Variants in ACSM1 observed in about 807,000 individuals in gnomAD.
ACSM1 encodes the protein acyl-CoA synthetase medium chain family member 1, also known as acyl-coenzyme A synthetase ACSM1, mitochondrial.
A neutral mutation model predicts 75.8 loss-of-function variants in ACSM1; 79 were observed. The ratio of observed to expected loss-of-function variants is 1.04; its 90% confidence interval spans 0.87 to 1.26. The LOEUF is 1.26. Among genes scored for constraint, ACSM1 ranks in the 50% most tolerant of loss-of-function variants. The probability of loss-of-function intolerance (pLI) is 0.00; values close to 1 mark genes in which losing one functional copy is unlikely to be tolerated. For missense variants in ACSM1, 676 were observed against 720.1 expected, an observed-to-expected ratio of 0.94 and a Z score of 0.70; for synonymous variants, 279 against 265.8, an observed-to-expected ratio of 1.05 and a Z score of -0.48.
At position 20,628,547 on chromosome 16, in the gene ACSM1, A is replaced by G. The variant is rs895317054; in HGVS notation, c.1300-1231T>C. Among the ~76,000 whole-genome samples the G allele has an allele frequency of 2.0e-5, 3 of 149,574 alleles. No homozygotes were observed. The East Asian group carries it at 5.8e-4, about 29-fold the overall frequency. Reference sequence around the variant, plus strand: ...ATCATACAGCATATAACTGTTTGGGACTGTTTTTTTTTTTCTCAGCATAAT... The same window carrying G: ...ATCATACAGCATATAACTGTTTGGGGCTGTTTTTTTTTTTCTCAGCATAAT... On this transcript the variant is annotated intron_variant, in intron 10 of 13. Transcript: ENST00000520010.
At chr16:20,661,754 T>A (rs750011994) in intron 7 of ACSM1, 40 bp downstream of exon 7, 12 of 1,449,780 alleles carry the variant, frequency 8.3e-6, no homozygotes, top group African/African-American at 4.2e-5. Context: ...TTCCTTAAAA[T>A]CTTACCCAAA....
Position 20,623,553 on chromosome 16 carries a change from A to C in ACSM1, c.1667T>G (p.Leu556Arg), listed in dbSNP as rs766194614. The C allele has an allele frequency of 6.2e-7, 1 of 1,614,088 alleles. No homozygotes were observed. The highest frequency in any genetic ancestry group is 2.2e-5 in the East Asian group (1 of 44,874). ...YPRKVEFVSELPKTITGKIER... is the reference protein window; with the variant it reads ...YPRKVEFVSERPKTITGKIER... ...AATCTTGCCAGTGATGGTTTTTGGC[A>C]GCTCTGAGACAAACTCCACCTGGTT... Residue 556 changes from leucine (L) to arginine (R), a missense_variant, in exon 14 of 14, where the codon CTG becomes CGG. Transcript: ENST00000520010.
chr16:20,640,711 T>C, intron 7 of ACSM1, 127 bp from the exon 8 acceptor site: 1 of 1,471,480 alleles, frequency 6.8e-7, no homozygotes, highest in Non-Finnish European at 9.1e-7. Context: ...TTTTTGGTCA[T>C]TTTACAGTTG....
chr16:20,673,156 G>T (rs1190640659), intron 4 of ACSM1, among the ~76,000 whole-genome samples: 1 of 149,964 alleles, frequency 6.7e-6, no homozygotes, highest in African/African-American at 2.4e-5. Flanking sequence ...ATGTACCTCT[G>T]CCCTAGCATG....
chr16:20,692,979 G>A (rs2079668745), intron 1 of ACSM1, among the ~76,000 whole-genome samples: 2 of 151,922 alleles, frequency 1.3e-5, no homozygotes, highest in South Asian at 4.2e-4. Context: ...GACCATCCTG[G>A]CTAACATGAT....
In ACSM1 at chr16:20,623,421, G is replaced by A; in HGVS notation, c.*65C>T. 6.9e-7 allele frequency: 1 copy of A among 1,439,628 alleles called. No individual in the cohort carries two copies. The highest frequency in any genetic ancestry group is 9.8e-7 in the Non-Finnish European group (1 of 1,023,082). 89.2% of individuals were successfully genotyped at this position (1,439,628 alleles called of 1,614,324 possible). ...ATGCCCCACCCTCGTCCTCACCATAGTGGGGAGACTAAAGTGGCCAGGGAT... is the reference window on the plus strand; with the variant it reads ...ATGCCCCACCCTCGTCCTCACCATAATGGGGAGACTAAAGTGGCCAGGGAT... On this transcript the variant is annotated 3_prime_UTR_variant, in exon 14 of 14. Coordinates refer to ENST00000520010, the MANE Select transcript of ACSM1 (RefSeq NM_001318890.3).
intron 4 of ACSM1, among the ~76,000 whole-genome samples, chr16:20,675,813 A>G (rs1324754613): frequency 6.6e-6 from 1 of 152,208 alleles, no homozygotes; most frequent in Non-Finnish European, 1.5e-5. Flanking sequence ...CCTGCCTAGC[A>G]GTTTATTGTA....
chr16:20,669,398 T>A (rs1455801401), intron 6 of ACSM1, among the ~76,000 whole-genome samples: 1 of 151,676 alleles, frequency 6.6e-6, no homozygotes, highest in African/African-American at 2.4e-5. Flanking sequence ...ATCTGTCATA[T>A]TCCAAGGGCT....
chr16:20,637,132 C>A, intron 9 of ACSM1: 1 of 760,550 alleles, frequency 1.3e-6, no homozygotes, highest in South Asian at 1.4e-5. Flanking sequence ...AGTGCAGCCT[C>A]TAGGTATTCT....
At chr16:20,647,343 G>A (rs1398174312) in intron 7 of ACSM1, among the ~76,000 whole-genome samples, 1 of 152,192 alleles carries the variant, frequency 6.6e-6, no homozygotes, top group Non-Finnish European at 1.5e-5. Context: ...AGACCGACTA[G>A]AGTCATGCAT....
intron 1 of ACSM1, among the ~76,000 whole-genome samples, chr16:20,696,931 C>T (rs1441361318): frequency 2.0e-5 from 3 of 152,168 alleles, no homozygotes; most frequent in Admixed American, 6.5e-5. Context: ...TGAACTTAAG[C>T]GCACAGTAGT....
chr16:20,673,338 G>T (rs1460414947), intron 4 of ACSM1, among the ~76,000 whole-genome samples: 2 of 152,012 alleles, frequency 1.3e-5, no homozygotes, highest in Non-Finnish European at 2.9e-5. Flanking sequence ...AGGTCTGCTG[G>T]TCTTGCTGTG....
At chr16:20,696,911 T>C (rs2079692686) in intron 1 of ACSM1, among the ~76,000 whole-genome samples, 1 of 152,184 alleles carries the variant, frequency 6.6e-6, no homozygotes, top group South Asian at 2.1e-4. Context: ...TTTGGTGCTG[T>C]TCATGTCTCT....
chr16:20,637,193 T>G, intron 9 of ACSM1, 178 bp downstream of exon 9: 1 of 772,738 alleles, frequency 1.3e-6, no homozygotes, highest in Non-Finnish European at 2.4e-6. Flanking sequence ...GCGGTGTTCA[T>G]GCTCACAATA....
At chr16:20,634,184 G>A (rs145228750) in intron 10 of ACSM1, among the ~76,000 whole-genome samples, 395 of 152,300 alleles carry the variant, frequency 2.6e-3, no homozygotes, top group African/African-American at 9.2e-3. Context: ...GCAAAATAAT[G>A]AAGTTACCTT....
chr16:20,654,469 C>T (rs2018833146), intron 7 of ACSM1, among the ~76,000 whole-genome samples: 1 of 152,172 alleles, frequency 6.6e-6, no homozygotes, highest in African/African-American at 2.4e-5. Context: ...AGTTAACCTA[C>T]AGAATGGGAG....
chr16:20,645,378 C>A (rs1001637768), intron 7 of ACSM1, among the ~76,000 whole-genome samples: 1 of 152,130 alleles, frequency 6.6e-6, no homozygotes, highest in Non-Finnish European at 1.5e-5. Flanking sequence ...AACGTTCCCC[C>A]CAAGGCAAAA....
intron 10 of ACSM1, among the ~76,000 whole-genome samples, chr16:20,633,340 A>T (rs1254868600): frequency 6.6e-6 from 1 of 152,212 alleles, no homozygotes; most frequent in Non-Finnish European, 1.5e-5. Context: ...GAATCCATAC[A>T]CACACAAAAA....
At chr16:20,645,384 C>A (rs2018303460) in intron 7 of ACSM1, among the ~76,000 whole-genome samples, 1 of 152,110 alleles carries the variant, frequency 6.6e-6, no homozygotes, top group Non-Finnish European at 1.5e-5. Flanking sequence ...CCCCCCAAGG[C>A]AAAAACACCC....
Sources: allele counts gnomAD v4.1 joint callset (sites outside exome capture counted in the v4.1 genomes callset), GRCh38; gene constraint gnomAD v4.1.1; transcripts MANE v1.5; gene names NCBI Gene and HGNC (gene_info 2026-07-23, HGNC 2026-07-21).